Variants in LRFN5 observed in about 807,000 individuals in gnomAD.
LRFN5 encodes leucine-rich repeat and fibronectin type-III domain-containing protein 5.
In LRFN5, 24 loss-of-function variants were observed where a neutral mutation model predicts 45.6. That is an observed-to-expected ratio of 0.53 (90% CI 0.38 to 0.74). The LOEUF (loss-of-function observed/expected upper bound fraction) is 0.74, where lower values mean the gene tolerates loss of function less well. Among genes scored for constraint, LRFN5 ranks in the 30% least tolerant of loss-of-function variants. LRFN5 has a pLI of 0.00. For synonymous variants in LRFN5, 340 were observed against 313.8 expected, an observed-to-expected ratio of 1.08 and a Z score of -0.88; for missense variants, 776 against 861.5, an observed-to-expected ratio of 0.90 and a Z score of 1.24.
intron 2 of LRFN5, among the ~76,000 whole-genome samples, chr14:41,769,310 G>C (rs1350176237): frequency 1.3e-5 from 2 of 152,108 alleles, no homozygotes; most frequent in African/African-American, 2.4e-5. Flanking sequence ...TTGCTATTAT[G>C]ATTATTTTTC....
chr14:41,834,159 C>T (rs1269704355), intron 2 of LRFN5, among the ~76,000 whole-genome samples: 1 of 151,922 alleles, frequency 6.6e-6, no homozygotes, highest in Non-Finnish European at 1.5e-5. Flanking sequence ...GCCACTTTTT[C>T]CCTAGGAAAA....
At chr14:41,873,632 T>A (rs1245867929) in intron 2 of LRFN5, among the ~76,000 whole-genome samples, 1 of 152,120 alleles carries the variant, frequency 6.6e-6, no homozygotes, top group Admixed American at 6.6e-5. Context: ...TTTTTCATGT[T>A]CACAGAGACT....
chr14:41,860,155 G>A (rs942931338), intron 2 of LRFN5, among the ~76,000 whole-genome samples: 1 of 151,924 alleles, frequency 6.6e-6, no homozygotes, highest in South Asian at 2.1e-4. Context: ...ATAGTCCAGA[G>A]AACAAACAAA....
chr14:41,889,230 T>C (rs574749835), intron 3 of LRFN5, among the ~76,000 whole-genome samples: 6 of 150,968 alleles, frequency 4.0e-5, no homozygotes, highest in Admixed American at 6.6e-5. Context: ...GAAATGAGAG[T>C]AATTTTTTTT....
At chr14:41,665,703 A>G (rs1292039026) in intron 1 of LRFN5, among the ~76,000 whole-genome samples, 1 of 151,940 alleles carries the variant, frequency 6.6e-6, no homozygotes, top group Admixed American at 6.6e-5. Context: ...TTCAAAAGCT[A>G]CTACTAGGAT....
chr14:41,749,754 C>T (rs1391553716), intron 1 of LRFN5, among the ~76,000 whole-genome samples: 1 of 151,962 alleles, frequency 6.6e-6, no homozygotes, highest in Non-Finnish European at 1.5e-5. Flanking sequence ...CCGCAGACTC[C>T]CATGACACAT....
chr14:41,814,645 T>A (rs1030856982), intron 2 of LRFN5, among the ~76,000 whole-genome samples: 3 of 152,236 alleles, frequency 2.0e-5, no homozygotes, highest in African/African-American at 7.2e-5. Flanking sequence ...TTCTTGGGCC[T>A]GTCTTGACAA....
chr14:41,663,094 A>C (rs1880731714), intron 1 of LRFN5, among the ~76,000 whole-genome samples: 1 of 152,116 alleles, frequency 6.6e-6, no homozygotes, highest in African/African-American at 2.4e-5. Flanking sequence ...GTTTAATCTA[A>C]TTTCATATGT....
At chr14:41,882,380 G>A (rs1890410744) in intron 2 of LRFN5, among the ~76,000 whole-genome samples, 1 of 152,098 alleles carries the variant, frequency 6.6e-6, no homozygotes. Flanking sequence ...AAATGAAGGG[G>A]ACTGAGCTCT....
chr14:41,640,422 CA>C (rs1566599380), intron 1 of LRFN5, among the ~76,000 whole-genome samples: 2 of 152,058 alleles, frequency 1.3e-5, no homozygotes, highest in East Asian at 3.9e-4. Flanking sequence ...ACATGGAAGG[CA>C]AACCTAATTT....
intron 1 of LRFN5, among the ~76,000 whole-genome samples, chr14:41,703,982 A>G (rs1000065550): frequency 2.6e-5 from 4 of 152,080 alleles, no homozygotes; most frequent in Admixed American, 2.6e-4. Context: ...ACTCCGATCT[A>G]GGTAGCTCCA....
At chr14:41,747,553 C>G (rs973577714) in intron 1 of LRFN5, among the ~76,000 whole-genome samples, 2 of 151,924 alleles carry the variant, frequency 1.3e-5, no homozygotes, top group African/African-American at 2.4e-5. Context: ...ATAACACTGA[C>G]AACTATAACC....
intron 2 of LRFN5, among the ~76,000 whole-genome samples, chr14:41,778,538 G>A (rs954012461): frequency 1.3e-5 from 2 of 151,512 alleles, no homozygotes; most frequent in African/African-American, 2.4e-5. Flanking sequence ...CATGATTATG[G>A]TTTAGTATTT....
intron 1 of LRFN5, among the ~76,000 whole-genome samples, chr14:41,637,050 A>G (rs553252289): frequency 6.6e-6 from 1 of 152,288 alleles, no homozygotes; most frequent in African/African-American, 2.4e-5. Flanking sequence ...TACATTCCAC[A>G]AGAGAGACAT....
intron 1 of LRFN5, among the ~76,000 whole-genome samples, chr14:41,626,759 G>A (rs1033537330): frequency 1.1e-4 from 17 of 151,840 alleles, no homozygotes; most frequent in Admixed American, 5.3e-4. Context: ...GATTATGTTC[G>A]TATAATACAA....
chr14:41,649,118 C>T (rs1456612116), intron 1 of LRFN5, among the ~76,000 whole-genome samples: 1 of 151,920 alleles, frequency 6.6e-6, no homozygotes, highest in Non-Finnish European at 1.5e-5. Context: ...CCTGTCATCC[C>T]AGCTACTCGG....
chr14:41,688,171 G>A (rs1213133895), intron 1 of LRFN5, among the ~76,000 whole-genome samples: 1 of 152,142 alleles, frequency 6.6e-6, no homozygotes, highest in African/African-American at 2.4e-5. Context: ...CCTGGGAAAG[G>A]TAGTTGGTGG....
intron 1 of LRFN5, among the ~76,000 whole-genome samples, chr14:41,612,757 G>C (rs1328527665): frequency 6.6e-6 from 1 of 152,012 alleles, no homozygotes; most frequent in Non-Finnish European, 1.5e-5. Context: ...GAAGTATTAT[G>C]TTCATAATTA....
chr14:41,620,724 A>G (rs1888099841), intron 1 of LRFN5, among the ~76,000 whole-genome samples: 1 of 152,030 alleles, frequency 6.6e-6, no homozygotes, highest in African/African-American at 2.4e-5. Flanking sequence ...GAAAATGTGT[A>G]ATCGATGGCC....
Sources: allele counts gnomAD v4.1 joint callset (sites outside exome capture counted in the v4.1 genomes callset), GRCh38; gene constraint gnomAD v4.1.1; transcripts MANE v1.5; gene names NCBI Gene and HGNC (gene_info 2026-07-23, HGNC 2026-07-21).